The following ATP6V0E2 variants were observed in gnomAD, a reference collection of about 807,000 sequenced individuals.
ATP6V0E2 encodes V-type proton ATPase subunit e 2.
Under a neutral mutation model 11.5 loss-of-function variants are expected in ATP6V0E2, and 4 were observed. The ratio of observed to expected loss-of-function variants is 0.35; its 90% CI spans 0.17 to 0.80. ATP6V0E2 has a LOEUF of 0.80. ATP6V0E2 is among the 30% of genes least tolerant of loss of function. ATP6V0E2 has a pLI of 0.53. For synonymous variants in ATP6V0E2, 52 were observed against 51.0 expected (o/e 1.02, Z -0.09); for missense variants, 93 against 113.5 (o/e 0.82, Z 0.82).
chr7:149,874,467 A>C (rs867101245), intron 1 of ATP6V0E2: 4 of 362,334 alleles, frequency 1.1e-5, no homozygotes, highest in Admixed American at 4.4e-5. Context: ...CAGTTTCTCC[A>C]CTCCTTGCTA....
At chr7:149,875,993 C>T (rs1030642679) in intron 2 of ATP6V0E2, 1 of 518,068 alleles carries the variant, frequency 1.9e-6, no homozygotes, top group Non-Finnish European at 3.7e-6. Context: ...GCACCCTACA[C>T]CCATGAAATT....
At chr7:149,876,852 C>A (rs993175311) in intron 2 of ATP6V0E2, among the ~76,000 whole-genome samples, 2 of 152,202 alleles carry the variant, frequency 1.3e-5, no homozygotes, top group African/African-American at 4.8e-5. Flanking sequence ...GATGCTCATT[C>A]TTTAAGAGGT....
intron 2 of ATP6V0E2, among the ~76,000 whole-genome samples, chr7:149,877,013 G>T (rs1437889835): frequency 1.3e-5 from 2 of 152,114 alleles, no homozygotes; most frequent in Admixed American, 6.6e-5. Context: ...TTAGGTCATG[G>T]ATTCTTTATT....
rs2128948541 is a variant in ATP6V0E2, at chr7:149,876,916, A to G, written c.152+1271A>G. ...TTTTCCAGGGTTGCCAAATTTTTCA[A>G]AATACATAGGACAAAACCCACTTTC... On this transcript the variant is annotated intron_variant, in intron 2 of 3. Transcript: ENST00000425642. Among the ~76,000 whole-genome samples, 2 of 152,348 alleles carry G rather than the reference A, an allele frequency of 1.3e-5. 1 individual carries two copies. Among genetic ancestry groups the G allele is most frequent in the South Asian group, 4.1e-4 (2 of 4,824 alleles).
Position 149,879,669 on chromosome 7 carries a change from C to T in ATP6V0E2, c.*354C>T, listed in dbSNP as rs1349451322. The T allele has an allele frequency of 1.4e-6, 2 of 1,442,758 alleles. No individual in the cohort carries two copies. Among genetic ancestry groups the T allele is most frequent in the South Asian group, 3.2e-5 (2 of 61,986 alleles). The allele number at this position is 1,442,758 out of a possible 1,614,324, so 89.4% of individuals were successfully genotyped here. ...GACGGGGCAGATGCCAGGACTCAGC[C>T]CATCCTGAGGAGGACACGTGTCCTC... On this transcript the variant is annotated 3_prime_UTR_variant, in exon 4 of 4. Transcript: ENST00000425642.
intron 2 of ATP6V0E2, among the ~76,000 whole-genome samples, 191 bp from the exon 3 acceptor site, chr7:149,878,487 C>G (rs543052231): frequency 4.7e-4 from 71 of 152,298 alleles, no homozygotes; most frequent in African/African-American, 1.6e-3. Context: ...CAAAACCAAA[C>G]CCAGAAGTGC....
At chr7:149,878,390 G>A (rs964308118) in intron 2 of ATP6V0E2, among the ~76,000 whole-genome samples, 10 of 152,258 alleles carry the variant, frequency 6.6e-5, no homozygotes, top group Middle Eastern at 3.4e-3. Flanking sequence ...CTCCCAAAGC[G>A]CCCCTGAGGC....
In ATP6V0E2 at chr7:149,880,121, A is replaced by C. The variant is rs917618592; in HGVS notation, c.*806A>C. The C allele has an allele frequency of 6.5e-6, 1 of 154,894 alleles. No homozygotes were observed. The highest frequency in any genetic ancestry group is 1.4e-5 in the Non-Finnish European group (1 of 70,042). The allele number at this position is 154,894 out of a possible 1,614,324, so 9.6% of individuals were successfully genotyped here. The stretch of plus-strand genomic sequence containing the variant: ...TCAGAGCCTCTCATGGCAGCATCTA[A>C]GTGACCAGAGCTGGGATGAGAGAGG... On this transcript the variant is annotated 3_prime_UTR_variant, in exon 4 of 4. Coordinates refer to ENST00000425642, the MANE Select transcript of ATP6V0E2 (RefSeq NM_145230.4).
At chr7:149,878,629 G>A (rs1359649884) in intron 2 of ATP6V0E2, 49 bp from the exon 3 acceptor site, 1 of 1,553,398 alleles carries the variant, frequency 6.4e-7, no homozygotes, top group South Asian at 1.1e-5. Context: ...CCCTGGGTGT[G>A]GGAGGACCCT....
chr7:149,879,390 G>A lies in ATP6V0E2; in HGVS notation c.*75G>A, dbSNP rs758684710. The A allele has an allele frequency of 5.0e-6, 8 of 1,594,336 alleles. No homozygotes were observed. Among genetic ancestry groups the A allele is most frequent in the Non-Finnish European group, 3.4e-6 (4 of 1,170,756 alleles). ...ACTGTCCCTGACAACCCCTTCGTCC[G>A]GACCCTCCCCCACACAACTATGTCT... On this transcript the variant is annotated 3_prime_UTR_variant, in exon 4 of 4. Transcript: ENST00000425642.
At chr7:149,875,465 T>TC (rs1803073709) in intron 1 of ATP6V0E2, 133 bp from the exon 2 acceptor site, 1 of 848,378 alleles carries the variant, frequency 1.2e-6, no homozygotes, top group Non-Finnish European at 2.0e-6. Context: ...GAACTCAGCC[T>TC]CCTGTGTCCA....
Position 149,879,758 on chromosome 7 carries a change from C to A in ATP6V0E2, c.*443C>A. On this transcript the variant is annotated 3_prime_UTR_variant, in exon 4 of 4. Coordinates refer to ENST00000425642, the MANE Select transcript of ATP6V0E2 (RefSeq NM_145230.4). ...CCCAGTCAGCAGCTCTGCCACCATC[C>A]TGCTGGGAACTGGGGGGGCCTCTAT... 1 of 1,083,194 alleles carries A rather than the reference C, an allele frequency of 9.2e-7. No homozygotes were observed. The highest frequency in any genetic ancestry group is 1.2e-6 in the Non-Finnish European group (1 of 823,678). The allele number at this position is 1,083,194 out of a possible 1,614,324, so 67.1% of individuals were successfully genotyped here. A position where few individuals can be genotyped will look rare whatever the true frequency, so the allele number is the denominator to read the frequency against.
At position 149,880,685 on chromosome 7, in the gene ATP6V0E2, T is replaced by C. The variant is rs73168091; in HGVS notation, c.*1370T>C. 327 of 152,336 alleles carry C rather than the reference T, an allele frequency of 2.1e-3. No homozygotes were observed. The highest frequency in any genetic ancestry group is 3.4e-3 in the Non-Finnish European group (230 of 68,052). The allele number at this position is 152,336 out of a possible 1,614,324, so 9.4% of individuals were successfully genotyped here. A position where few individuals can be genotyped will look rare whatever the true frequency, so the allele number is the denominator to read the frequency against. ...CTGGTTCATATATAATAAATAATGG[T>C]GATGAAAAGATTACTGTTTGGTGAC... On this transcript the variant is annotated 3_prime_UTR_variant, in exon 4 of 4. Coordinates refer to ENST00000425642, the MANE Select transcript of ATP6V0E2 (RefSeq NM_145230.4).
At chr7:149,876,052 C>A (rs1803115256) in intron 2 of ATP6V0E2, 2 of 463,778 alleles carry the variant, frequency 4.3e-6, no homozygotes, top group East Asian at 6.7e-5. Flanking sequence ...CATGAATGCC[C>A]CCAGGTGACT....
In ATP6V0E2 at chr7:149,879,448, A is replaced by T. The variant is rs528567900; in HGVS notation, c.*133A>T. On this transcript the variant is annotated 3_prime_UTR_variant, in exon 4 of 4. Coordinates refer to ENST00000425642, the MANE Select transcript of ATP6V0E2 (RefSeq NM_145230.4). The stretch of plus-strand genomic sequence containing the variant: ...AGCTCCCTCCTGCTGGCACCCAGAG[A>T]CCCGGACCCGCAGGGCCTGCCTGGT... The T allele has an allele frequency of 6.3e-7, 1 of 1,598,300 alleles. No homozygotes were observed. Among genetic ancestry groups the T allele is most frequent in the Non-Finnish European group, 8.5e-7 (1 of 1,173,154 alleles).
In ATP6V0E2 at chr7:149,874,180, C is replaced by T. The variant is rs12112087; in HGVS notation, c.104+11C>T. The T allele has an allele frequency of 1.8e-3, 2,792 of 1,547,256 alleles. 47 individuals are homozygous for T. The African/African-American group carries it at 0.034, about 19-fold the overall frequency. Reference sequence around the variant, plus strand: ...GGGACCCAACCGCGGGTAAGGAAAGCGCGCAGGCCCTGCAGACCTCTCCAC... The same window carrying T: ...GGGACCCAACCGCGGGTAAGGAAAGTGCGCAGGCCCTGCAGACCTCTCCAC... On this transcript the variant is annotated intron_variant, in intron 1 of 3. Transcript: ENST00000425642.
chr7:149,879,143 AC>A (rs1188016316), intron 3 of ATP6V0E2, 191 bp from the exon 4 acceptor site: 57 of 1,391,886 alleles, frequency 4.1e-5, no homozygotes, highest in Non-Finnish European at 4.7e-5. Context: ...TGCTCCCAGC[AC>A]CCCCCTCCCC....
In ATP6V0E2 at chr7:149,879,379, C is replaced by A. The variant is rs758037402; in HGVS notation, c.*64C>A. 1 of 1,581,640 alleles carries A rather than the reference C, an allele frequency of 6.3e-7. No homozygotes were observed. The highest frequency in any genetic ancestry group is 2.3e-5 in the East Asian group (1 of 43,378). On this transcript the variant is annotated 3_prime_UTR_variant, in exon 4 of 4. Coordinates refer to ENST00000425642, the MANE Select transcript of ATP6V0E2 (RefSeq NM_145230.4). ...ACTGTGGCTCCACTGTCCCTGACAACCCCTTCGTCCGGACCCTCCCCCACA... is the reference window on the plus strand; with the variant it reads ...ACTGTGGCTCCACTGTCCCTGACAAACCCTTCGTCCGGACCCTCCCCCACA...
In ATP6V0E2 at chr7:149,878,525, T is replaced by C. The variant is rs573451630; in HGVS notation, c.153-153T>C. On this transcript the variant is annotated intron_variant, in intron 2 of 3. Transcript: ENST00000425642. Reference sequence around the variant, plus strand: ...TACCAACCCCATGTGCCTGCCGGAGTGTGGATGGCTCCCTGGGCCCTTCTT... The same window carrying C: ...TACCAACCCCATGTGCCTGCCGGAGCGTGGATGGCTCCCTGGGCCCTTCTT... 3.9e-5 allele frequency among the ~76,000 whole-genome samples: 6 copies of C among 151,948 alleles called. No homozygotes were observed. The East Asian group carries it at 1.2e-3, about 30-fold the overall frequency.
Sources: allele counts gnomAD v4.1 joint callset (sites outside exome capture counted in the v4.1 genomes callset), GRCh38; gene constraint gnomAD v4.1.1; transcripts MANE v1.5; gene names NCBI Gene and HGNC (gene_info 2026-07-23, HGNC 2026-07-21).